The following MROH7 variants were observed in gnomAD, a reference collection of about 807,000 sequenced individuals.
MROH7 encodes the protein maestro heat-like repeat-containing protein family member 7.
Under a neutral mutation model 129.2 loss-of-function variants are expected in MROH7, and 113 were observed. That is an observed-to-expected ratio of 0.87 (90% CI 0.75 to 1.02). The LOEUF (loss-of-function observed/expected upper bound fraction) is 1.02. MROH7 is among the 50% of genes least tolerant of loss of function. The pLI, the probability that MROH7 is intolerant of heterozygous loss-of-function variation, is 0.00. For synonymous variants in MROH7, 655 were observed against 667.9 expected, an observed-to-expected ratio of 0.98 and a Z score of 0.30; for missense variants, 1,601 against 1,671.3, an observed-to-expected ratio of 0.96 and a Z score of 0.73.
chr1:54,707,267 C>A (rs992005520), intron 22 of MROH7, among the ~76,000 whole-genome samples: 10 of 152,330 alleles, frequency 6.6e-5, no homozygotes, highest in African/African-American at 2.4e-4. Flanking sequence ...ACCACATGCC[C>A]TTCACCAAGG....
chr1:54,642,245 C>T (rs779317917), intron 1 of MROH7, among the ~76,000 whole-genome samples: 3 of 152,136 alleles, frequency 2.0e-5, no homozygotes, highest in East Asian at 1.9e-4. Flanking sequence ...CCAGGCCCTG[C>T]GATCATCACT....
chr1:54,670,666 AACCC>A, intron 6 of MROH7, 90 bp downstream of exon 6: 1 of 426,318 alleles, frequency 2.3e-6, no homozygotes, highest in Non-Finnish European at 3.6e-6. Context: ...ACCCTCCCCC[AACCC>A]GCCCCCACCC....
At chr1:54,686,093 G>T (rs1645142399) in intron 14 of MROH7, among the ~76,000 whole-genome samples, 165 bp from the exon 15 acceptor site, 1 of 152,058 alleles carries the variant, frequency 6.6e-6, no homozygotes, top group Non-Finnish European at 1.5e-5. Context: ...TGGCCAGAGA[G>T]CCAGAGGTTT....
chr1:54,643,678 A>G (rs1368148148), intron 1 of MROH7, among the ~76,000 whole-genome samples: 1 of 152,234 alleles, frequency 6.6e-6, no homozygotes. Flanking sequence ...TCTTTTAAAA[A>G]ATATAAGCTA....
intron 1 of MROH7, among the ~76,000 whole-genome samples, chr1:54,649,105 T>C (rs1644514771): frequency 6.6e-6 from 1 of 152,206 alleles, no homozygotes; most frequent in Admixed American, 6.5e-5. Context: ...GTCTAACACA[T>C]TCCAGGCCCT....
chr1:54,692,937 A>C (rs1299907366), intron 16 of MROH7, among the ~76,000 whole-genome samples: 1 of 152,140 alleles, frequency 6.6e-6, no homozygotes, highest in Non-Finnish European at 1.5e-5. Context: ...CACCTGTGTG[A>C]CCTGGGACAA....
intron 7 of MROH7, 139 bp from the exon 8 acceptor site, chr1:54,672,952 T>C (rs1375155141): frequency 1.3e-5 from 8 of 616,612 alleles, no homozygotes; most frequent in Non-Finnish European, 2.1e-5. Context: ...ACACATCAAG[T>C]TAGTCTCAGA....
intron 4 of MROH7, chr1:54,665,504 T>C (rs1216063536): frequency 2.6e-5 from 9 of 352,904 alleles, no homozygotes; most frequent in Non-Finnish European, 4.7e-5. Flanking sequence ...CCTAGAACGG[T>C]GCCTGGCACA....
intron 17 of MROH7, chr1:54,697,909 C>G (rs1489143601): frequency 2.2e-6 from 1 of 451,400 alleles, no homozygotes; most frequent in Non-Finnish European, 3.9e-6. Context: ...GTCAGGGACT[C>G]TAGGTTTAAC....
In MROH7 at chr1:54,683,732, C is replaced by T. The variant is rs190651626; in HGVS notation, c.2520+938C>T. ...GGTCTTTGTCAGAACTTCATCCAGC[C>T]ACGCTATCTTGTCACAGGGCCTTTG... On this transcript the variant is annotated intron_variant, in intron 14 of 23. Coordinates refer to ENST00000421030, the MANE Select transcript of MROH7 (RefSeq NM_001039464.4). Among the ~76,000 whole-genome samples the T allele has an allele frequency of 2.0e-3, 307 of 152,250 alleles. 1 individual carries two copies. The highest frequency in any genetic ancestry group is 7.0e-3 in the African/African-American group (291 of 41,542).
intron 17 of MROH7, chr1:54,699,094 TTTTCTTTCTTTCTTTCTTTCTTTC>T (rs765826194): frequency 2.1e-4 from 21 of 98,300 alleles, no homozygotes; most frequent in East Asian, 3.4e-4. Context: ...TTGCCTGGCC[TTTTCTTTCTTTCTTTCTTTCTTTC>T]TTTCTTTCTT....
chr1:54,671,006 C>G, intron 7 of MROH7, 77 bp downstream of exon 7: 1 of 1,465,646 alleles, frequency 6.8e-7, no homozygotes, highest in Non-Finnish European at 9.1e-7. Flanking sequence ...CATCCTCCGG[C>G]TCATTGGTCT....
chr1:54,651,129 A>G (rs1644548046), intron 1 of MROH7: 1 of 152,354 alleles, frequency 6.6e-6, no homozygotes, highest in African/African-American at 2.4e-5. Context: ...CCTTGCCAAA[A>G]GAAATTAAAA....
intron 18 of MROH7, 81 bp from the exon 19 acceptor site, chr1:54,701,062 T>C: frequency 2.7e-6 from 4 of 1,488,992 alleles, no homozygotes; most frequent in Non-Finnish European, 3.7e-6. Context: ...ACCAAGTTCA[T>C]TTCAGTGAAT....
chr1:54,673,309 A>C (rs183091875), intron 8 of MROH7, 123 bp downstream of exon 8: 1 of 706,696 alleles, frequency 1.4e-6, no homozygotes, highest in East Asian at 2.7e-5. Context: ...ATCTTGTGTG[A>C]GTGTTCTGCC....
At chr1:54,668,042 T>C (rs560140522) in intron 4 of MROH7, among the ~76,000 whole-genome samples, 1 of 152,362 alleles carries the variant, frequency 6.6e-6, no homozygotes, top group South Asian at 2.1e-4. Context: ...TCAGTGGGAC[T>C]GGAATATTCA....
intron 21 of MROH7, among the ~76,000 whole-genome samples, chr1:54,705,550 A>AGGAGGTGGCATCT (rs1553178114): frequency 6.6e-6 from 1 of 152,194 alleles, no homozygotes; most frequent in African/African-American, 2.4e-5. Flanking sequence ...GGCTTCAGGA[A>AGGAGGTGGCATCT]GGAGGTGGCA....
At chr1:54,677,260 G>A (rs112252134) in intron 10 of MROH7, among the ~76,000 whole-genome samples, 45 of 152,290 alleles carry the variant, frequency 3.0e-4, no homozygotes, top group African/African-American at 1.1e-3. Context: ...TAAGCCACGT[G>A]TGGTGGCGCA....
intron 1 of MROH7, among the ~76,000 whole-genome samples, chr1:54,648,336 T>TTTTATTTATTA (rs1553168654): frequency 1.4e-3 from 195 of 142,226 alleles, no homozygotes; most frequent in Non-Finnish European, 2.2e-3. Context: ...TTGCATGCAA[T>TTTTATTTATTA]TTTATTTATT....
Sources: allele counts gnomAD v4.1 joint callset (sites outside exome capture counted in the v4.1 genomes callset), GRCh38; gene constraint gnomAD v4.1.1; transcripts MANE v1.5; gene names NCBI Gene and HGNC (gene_info 2026-07-23, HGNC 2026-07-21).